Variants in GPHN observed in about 807,000 individuals in gnomAD.
GPHN encodes the protein gephyrin.
Under a neutral mutation model 95.5 loss-of-function variants are expected in GPHN, and 17 were observed. The ratio of observed to expected loss-of-function variants is 0.18; its 90% CI spans 0.12 to 0.27. The LOEUF (loss-of-function observed/expected upper bound fraction) is 0.27, where lower values mean the gene tolerates loss of function less well. Among genes scored for constraint, GPHN ranks in the 10% least tolerant of loss-of-function variants. GPHN has a pLI of 1.00. For missense variants in GPHN, 660 were observed against 978.1 expected (o/e 0.67, Z 4.34); for synonymous variants, 320 against 322.5 (o/e 0.99, Z 0.08).
chr14:66,639,056 A>G (rs1387749591), intron 1 of GPHN, among the ~76,000 whole-genome samples: 1 of 151,742 alleles, frequency 6.6e-6, no homozygotes, highest in Admixed American at 6.6e-5. Context: ...ATATTCTTTA[A>G]TCTTTTATGA....
At chr14:66,646,598 G>A (rs1178307014) in intron 1 of GPHN, among the ~76,000 whole-genome samples, 1 of 151,934 alleles carries the variant, frequency 6.6e-6, no homozygotes, top group Non-Finnish European at 1.5e-5. Context: ...ATATCTTGAG[G>A]GCGTTATTCT....
intron 2 of GPHN, among the ~76,000 whole-genome samples, chr14:66,685,527 C>CT (rs1320024554): frequency 2.0e-5 from 3 of 152,142 alleles, no homozygotes; most frequent in Non-Finnish European, 4.4e-5. Context: ...TTTCATGTAT[C>CT]TATTTGCTGC....
intron 8 of GPHN, among the ~76,000 whole-genome samples, chr14:66,930,049 G>A (rs58367317): frequency 0.24 from 36,067 of 152,106 alleles, 5,994 homozygotes; most frequent in East Asian, 0.46. Flanking sequence ...TGTTTCTTGT[G>A]ACCAACAGAT....
At chr14:66,960,975 T>G (rs1405333319) in intron 8 of GPHN, among the ~76,000 whole-genome samples, 1 of 152,122 alleles carries the variant, frequency 6.6e-6, no homozygotes, top group African/African-American at 2.4e-5. Flanking sequence ...CTTTAAATAT[T>G]TGAACAAACA....
intron 8 of GPHN, among the ~76,000 whole-genome samples, chr14:66,961,901 T>TAC (rs1491130673): frequency 4.3e-5 from 1 of 23,002 alleles, no homozygotes; most frequent in African/African-American, 8.2e-5. Flanking sequence ...CCTGAATGTG[T>TAC]ATATATATAT....
chr14:66,691,186 AT>A (rs111841466), intron 2 of GPHN, among the ~76,000 whole-genome samples: 90 of 146,656 alleles, frequency 6.1e-4, no homozygotes, highest in African/African-American at 1.3e-3. Flanking sequence ...TACAATTTTT[AT>A]TTTTTTTTTT....
At chr14:67,086,524 G>A (rs548550406) in intron 11 of GPHN, among the ~76,000 whole-genome samples, 6 of 151,306 alleles carry the variant, frequency 4.0e-5, no homozygotes, top group East Asian at 2.0e-4. Context: ...GGTGGCGGGC[G>A]CCTGTAGTCC....
At chr14:67,203,430 G>A in the GPHN span, 1 of 678,648 alleles carries the variant, frequency 1.5e-6, no homozygotes, top group Non-Finnish European at 2.4e-6. Context: ...TGACAAAGAG[G>A]AGCATCCTTG....
At chr14:67,294,354 T>C in the GPHN span, 93 of 152,188 alleles carry the variant, frequency 6.1e-4, 1 homozygote, top group African/African-American at 2.2e-3. Context: ...TTAAATCTGA[T>C]AACAAAATCG....
At chr14:66,806,549 C>G (rs570294407) in intron 3 of GPHN, among the ~76,000 whole-genome samples, 1 of 152,232 alleles carries the variant, frequency 6.6e-6, no homozygotes, top group South Asian at 2.1e-4. Context: ...AACTGAATGC[C>G]TTTAACAGCA....
chr14:66,583,137 G>A (rs1291758035), intron 1 of GPHN, among the ~76,000 whole-genome samples: 2 of 152,022 alleles, frequency 1.3e-5, no homozygotes, highest in Non-Finnish European at 2.9e-5. Flanking sequence ...GATGGCCAGT[G>A]ATGATGAGCA....
chr14:67,308,373 C>T, the GPHN span, among the ~76,000 whole-genome samples: 1 of 149,536 alleles, frequency 6.7e-6, no homozygotes, highest in Non-Finnish European at 1.5e-5. Context: ...ATGTGATAGC[C>T]TTACCTTCAT....
chr14:67,150,455 A>G (rs1430071383), intron 18 of GPHN, among the ~76,000 whole-genome samples: 1 of 129,520 alleles, frequency 7.7e-6, no homozygotes, highest in Non-Finnish European at 1.7e-5. Flanking sequence ...AAAAAAAACA[A>G]AAAAAAAAAA....
chr14:66,973,900 T>A (rs1028734653), intron 9 of GPHN, among the ~76,000 whole-genome samples: 1 of 152,224 alleles, frequency 6.6e-6, no homozygotes, highest in Non-Finnish European at 1.5e-5. Flanking sequence ...AATGCAAATT[T>A]TCACTGTTTT....
chr14:67,444,154 A>G, the GPHN span, among the ~76,000 whole-genome samples: 2 of 152,270 alleles, frequency 1.3e-5, no homozygotes, highest in South Asian at 4.1e-4. Context: ...ACACATATGT[A>G]TTGATGTCTT....
intron 9 of GPHN, among the ~76,000 whole-genome samples, chr14:66,969,989 T>A (rs1388177304): frequency 6.6e-6 from 1 of 152,000 alleles, no homozygotes; most frequent in Non-Finnish European, 1.5e-5. Flanking sequence ...ATCTGAAGTT[T>A]GATTTTGAGT....
the GPHN span, among the ~76,000 whole-genome samples, chr14:67,478,136 G>A: frequency 5.3e-5 from 8 of 152,208 alleles, no homozygotes; most frequent in Admixed American, 1.3e-4. Flanking sequence ...CAGACGGCTG[G>A]GGCAGCGTAG....
chr14:66,744,857 T>G lies in GPHN; in HGVS notation c.144-31607T>G, dbSNP rs889693920. 2.1e-4 allele frequency among the ~76,000 whole-genome samples: 20 copies of G among 94,588 alleles called. No homozygotes were observed. In the East Asian group the frequency reaches 2.6e-3, roughly 12 times the overall value. 62.1% of individuals were successfully genotyped at this position (94,588 alleles called of 152,430 possible). A position where few individuals can be genotyped will look rare whatever the true frequency, so the allele number is the denominator to read the frequency against. On this transcript the variant is annotated intron_variant, in intron 2 of 22. Transcript: ENST00000478722. ...TTAGAGATTCAATATAGCAATGCAA[T>G]TTTTTTTTATTTACTTATAAGGATT...
At chr14:67,223,670 T>C in the GPHN span, 2 of 919,610 alleles carry the variant, frequency 2.2e-6, no homozygotes, top group Non-Finnish European at 2.6e-6. Flanking sequence ...GTATTAATTA[T>C]TTTCCCTGTT....
Sources: gnomAD v4.1 joint callset for allele counts (sites outside exome capture counted in the v4.1 genomes callset) on GRCh38, gnomAD v4.1.1 for gene constraint, MANE v1.5 for transcripts, NCBI Gene and HGNC (gene_info 2026-07-23, HGNC 2026-07-21) for gene names.